Variants in TANC2 observed in about 807,000 individuals in gnomAD.
TANC2 encodes the protein tetratricopeptide repeat, ankyrin repeat and coiled-coil containing 2, also known as protein TANC2.
In TANC2, 26 loss-of-function variants were observed where a neutral mutation model predicts 210.5. That is an observed-to-expected ratio of 0.12 (90% confidence interval 0.09 to 0.17). The LOEUF (loss-of-function observed/expected upper bound fraction) is 0.17. Among genes scored for constraint, TANC2 ranks in the 10% least tolerant of loss-of-function variants. The pLI, the probability that TANC2 is intolerant of heterozygous loss-of-function variation, is 1.00. For missense variants in TANC2, 2,129 were observed against 2,608.9 expected, an observed-to-expected ratio of 0.82 and a Z score of 4.01; for synonymous variants, 931 against 967.1, an observed-to-expected ratio of 0.96 and a Z score of 0.69.
chr17:62,976,924 G>A (rs902010180), intron 1 of TANC2, among the ~76,000 whole-genome samples: 7 of 151,962 alleles, frequency 4.6e-5, no homozygotes, highest in African/African-American at 1.7e-4. Flanking sequence ...GTTCCAAGTC[G>A]CTAGCCAATC....
At chr17:63,147,694 T>C (rs1032021431) in intron 4 of TANC2, among the ~76,000 whole-genome samples, 1 of 152,208 alleles carries the variant, frequency 6.6e-6, no homozygotes, top group Non-Finnish European at 1.5e-5. Context: ...GAACCCATGG[T>C]CTAAAGAATA....
rs183773866 is a variant in TANC2 at position 63,091,648 on chromosome 17, G to T, written c.140-7527G>T. On this transcript the variant is annotated intron_variant, in intron 3 of 27. Transcript: ENST00000689528. ...ATAGTTTGAAGTCAGGTAGCATGAT[G>T]CCTCCAGCTTTGTTCTTTTGGCTTA... Among the ~76,000 whole-genome samples the T allele has an allele frequency of 1.1e-4, 16 of 152,310 alleles. No individual in the cohort carries two copies. In the East Asian group the frequency reaches 3.1e-3, roughly 29 times the overall value.
chr17:63,285,713 G>A (rs2044199728), intron 9 of TANC2, among the ~76,000 whole-genome samples: 1 of 152,186 alleles, frequency 6.6e-6, no homozygotes, highest in Non-Finnish European at 1.5e-5. Context: ...AATTAGTTGT[G>A]ACAACATGTG....
intron 14 of TANC2, among the ~76,000 whole-genome samples, chr17:63,362,403 G>A (rs1260502562): frequency 2.0e-5 from 3 of 152,298 alleles, no homozygotes; most frequent in Middle Eastern, 3.4e-3. Context: ...GCTTCAGGCC[G>A]TTTCTGGCCT....
chr17:63,266,599 G>T (rs531173922), intron 8 of TANC2, among the ~76,000 whole-genome samples: 1 of 152,242 alleles, frequency 6.6e-6, no homozygotes, highest in South Asian at 2.1e-4. Flanking sequence ...TGGTAAGGTA[G>T]TATATATCAT....
chr17:63,300,603 T>A (rs1303370936), intron 9 of TANC2, among the ~76,000 whole-genome samples: 1 of 152,196 alleles, frequency 6.6e-6, no homozygotes, highest in African/African-American at 2.4e-5. Context: ...CGTATAGGAA[T>A]GCTTGTGGGT....
intron 1 of TANC2, among the ~76,000 whole-genome samples, chr17:62,985,416 C>A (rs563302739): frequency 6.6e-6 from 1 of 152,178 alleles, no homozygotes; most frequent in Middle Eastern, 3.4e-3. Flanking sequence ...CATCTCTCTC[C>A]TAAGATTTGG....
At chr17:63,019,249 G>A (rs923629378) in intron 2 of TANC2, among the ~76,000 whole-genome samples, 2 of 151,806 alleles carry the variant, frequency 1.3e-5, no homozygotes, top group African/African-American at 2.4e-5. Context: ...ACAGAGTCTC[G>A]CTCTGTCACT....
At chr17:63,352,727 T>C (rs978378071) in intron 13 of TANC2, among the ~76,000 whole-genome samples, 48 of 152,158 alleles carry the variant, frequency 3.2e-4, no homozygotes, top group Admixed American at 1.2e-3. Flanking sequence ...TTAAAAATTA[T>C]TTCATTTCCG....
intron 2 of TANC2, among the ~76,000 whole-genome samples, chr17:63,027,614 A>G (rs979062990): frequency 1.3e-5 from 2 of 151,728 alleles, no homozygotes; most frequent in African/African-American, 2.4e-5. Flanking sequence ...TCTCCTTATG[A>G]TAATATAGTT....
At chr17:63,139,802 G>A (rs1598460411) in intron 4 of TANC2, among the ~76,000 whole-genome samples, 1 of 152,272 alleles carries the variant, frequency 6.6e-6, no homozygotes, top group African/African-American at 2.4e-5. Flanking sequence ...TACTCAGGAG[G>A]CAGAGGTAGG....
At chr17:63,068,044 A>T (rs1323176347) in intron 2 of TANC2, among the ~76,000 whole-genome samples, 1 of 152,200 alleles carries the variant, frequency 6.6e-6, no homozygotes, top group Admixed American at 6.5e-5. Context: ...CTAAAGATGA[A>T]GAAAAAGTCT....
intron 14 of TANC2, among the ~76,000 whole-genome samples, chr17:63,377,141 A>G (rs2047450703): frequency 6.6e-6 from 1 of 152,178 alleles, no homozygotes; most frequent in African/African-American, 2.4e-5. Context: ...CCACTAAGCC[A>G]CTTTTTCCTC....
At chr17:63,383,560 A>G (rs1168446271) in intron 15 of TANC2, among the ~76,000 whole-genome samples, 2 of 152,198 alleles carry the variant, frequency 1.3e-5, no homozygotes, top group Non-Finnish European at 2.9e-5. Context: ...TTTATTGCTG[A>G]ATAATATTTC....
chr17:63,121,738 T>C (rs80230262), intron 4 of TANC2, among the ~76,000 whole-genome samples: 6,033 of 152,250 alleles, frequency 0.04, 179 homozygotes, highest in Non-Finnish European at 0.055. Context: ...ACTCCTCACC[T>C]ATATGTATTC....
chr17:62,975,825 T>G (rs1217586095), intron 1 of TANC2, among the ~76,000 whole-genome samples: 1 of 152,068 alleles, frequency 6.6e-6, no homozygotes, highest in African/African-American at 2.4e-5. Context: ...TTGGTGAAAA[T>G]CCTTAGGACG....
chr17:63,332,042 G>T, intron 11 of TANC2: 1 of 279,710 alleles, frequency 3.6e-6, no homozygotes, highest in Non-Finnish European at 7.2e-6. Context: ...TTTTCTGAAT[G>T]ATATCAATTA....
At chr17:63,230,674 G>T (rs1306011544) in intron 7 of TANC2, among the ~76,000 whole-genome samples, 1 of 152,180 alleles carries the variant, frequency 6.6e-6, no homozygotes, top group Non-Finnish European at 1.5e-5. Context: ...CCTGAGGAGT[G>T]TTTGACTTCC....
intron 5 of TANC2, chr17:63,152,270 T>C (rs1481542297): frequency 6.6e-6 from 1 of 152,180 alleles, no homozygotes; most frequent in Non-Finnish European, 1.5e-5. Flanking sequence ...AGTAAAATGA[T>C]TCCTAGTTCT....
Sources: allele counts gnomAD v4.1 joint callset (sites outside exome capture counted in the v4.1 genomes callset), GRCh38; gene constraint gnomAD v4.1.1; transcripts MANE v1.5; gene names NCBI Gene and HGNC (gene_info 2026-07-23, HGNC 2026-07-21).